The following ADGRL3 variants were observed in gnomAD, a reference collection of about 807,000 sequenced individuals.
ADGRL3 encodes the protein adhesion G protein-coupled receptor L3.
ADGRL3 carries 62 observed loss-of-function variants against 153.5 expected under a neutral mutation model. That is an observed-to-expected ratio of 0.40 (90% CI 0.33 to 0.50). The LOEUF (loss-of-function observed/expected upper bound fraction) is 0.50. ADGRL3 is among the 20% of genes least tolerant of loss of function. ADGRL3 has a pLI of 0.47. For synonymous variants in ADGRL3, 710 were observed against 672.5 expected, an observed-to-expected ratio of 1.06 and a Z score of -0.86; for missense variants, 1,641 against 1,859.4, an observed-to-expected ratio of 0.88 and a Z score of 2.16.
chr4:61,234,608 C>T (rs145140040), intron 1 of ADGRL3, among the ~76,000 whole-genome samples: 109 of 152,158 alleles, frequency 7.2e-4, no homozygotes, highest in African/African-American at 2.4e-3. Context: ...AATCAGAAGA[C>T]GGAAATCAGA....
At chr4:61,571,251 G>T (rs918592209) in intron 4 of ADGRL3, among the ~76,000 whole-genome samples, 8 of 151,808 alleles carry the variant, frequency 5.3e-5, no homozygotes, top group African/African-American at 1.9e-4. Flanking sequence ...GAGGCAGGAG[G>T]ATCATTTGGG....
At chr4:61,723,262 G>A (rs1191647786) in intron 6 of ADGRL3, among the ~76,000 whole-genome samples, 1 of 152,172 alleles carries the variant, frequency 6.6e-6, no homozygotes, top group African/African-American at 2.4e-5. Flanking sequence ...CTGAAGCAGA[G>A]ATTAGTTTGT....
intron 2 of ADGRL3, among the ~76,000 whole-genome samples, chr4:61,478,276 G>A (rs866295880): frequency 1.3e-5 from 2 of 152,054 alleles, no homozygotes; most frequent in Middle Eastern, 3.4e-3. Context: ...TCACATTGAG[G>A]TATGTGTTTG....
rs182173954 is a variant in ADGRL3, at chr4:61,726,440, C to A, written c.584-4182C>A. Among the ~76,000 whole-genome samples, 98 of 151,970 alleles carry A rather than the reference C, an allele frequency of 6.4e-4. 1 individual carries two copies. Among genetic ancestry groups the A allele is most frequent in the Admixed American group, 2.2e-3 (34 of 15,272 alleles). On this transcript the variant is annotated intron_variant, in intron 6 of 26. Coordinates refer to ENST00000683033, the MANE Select transcript of ADGRL3 (RefSeq NM_001387552.1). Reference sequence around the variant, plus strand: ...TCTCGAACTCCCGAACTCAGGTGATCCACCCACCTCGAACTCCCAAAGTGC... The same window carrying A: ...TCTCGAACTCCCGAACTCAGGTGATACACCCACCTCGAACTCCCAAAGTGC...
intron 13 of ADGRL3, among the ~76,000 whole-genome samples, chr4:61,917,767 T>C (rs955075973): frequency 6.6e-6 from 1 of 152,184 alleles, no homozygotes; most frequent in Non-Finnish European, 1.5e-5. Context: ...GAGTCAACTA[T>C]GCTGATATGC....
At chr4:61,493,256 G>A (rs1010575009) in intron 2 of ADGRL3, among the ~76,000 whole-genome samples, 2 of 152,134 alleles carry the variant, frequency 1.3e-5, no homozygotes, top group African/African-American at 2.4e-5. Flanking sequence ...ATGTGAGAAC[G>A]TCACCCTCTT....
intron 21 of ADGRL3, 80 bp from the exon 22 acceptor site, chr4:62,028,775 G>T: frequency 8.4e-7 from 1 of 1,184,346 alleles, no homozygotes; most frequent in South Asian, 1.4e-5. Context: ...TGGGGACCAG[G>T]AGAATATTTT....
At chr4:61,643,570 T>C (rs1416447888) in intron 5 of ADGRL3, among the ~76,000 whole-genome samples, 2 of 151,590 alleles carry the variant, frequency 1.3e-5, no homozygotes, top group Admixed American at 6.6e-5. Flanking sequence ...TCTTTGGTTC[T>C]GTTTATATGC....
chr4:61,689,726 C>A (rs1360805968), intron 6 of ADGRL3, among the ~76,000 whole-genome samples: 17 of 152,054 alleles, frequency 1.1e-4, no homozygotes, highest in Admixed American at 1.1e-3. Context: ...TCAAAATGAT[C>A]CTGATGTGAC....
Position 61,372,280 on chromosome 4 carries a change from C to T in ADGRL3, c.-239-10844C>T, listed in dbSNP as rs185118129. Among the ~76,000 whole-genome samples the T allele has an allele frequency of 4.8e-3, 726 of 152,280 alleles. 10 individuals carry two copies. The highest frequency in any genetic ancestry group is 0.017 in the African/African-American group (697 of 41,538). On this transcript the variant is annotated intron_variant, in intron 1 of 26. Coordinates refer to ENST00000683033, the MANE Select transcript of ADGRL3 (RefSeq NM_001387552.1). ...TTGTTCCGTTGCTGGTGAGGAACTG[C>T]GTTCCTTTGGAGGAGCAGAGGCGCT...
chr4:61,213,648 A>G (rs1741212331), intron 1 of ADGRL3, among the ~76,000 whole-genome samples: 1 of 152,174 alleles, frequency 6.6e-6, no homozygotes, highest in Non-Finnish European at 1.5e-5. Context: ...TGGAAATGAG[A>G]TTAAACCATA....
At chr4:61,662,945 C>T (rs550316213) in intron 5 of ADGRL3, among the ~76,000 whole-genome samples, 2 of 152,226 alleles carry the variant, frequency 1.3e-5, no homozygotes, top group African/African-American at 4.8e-5. Context: ...TGGGTCTCCT[C>T]TCTGCTGAGA....
chr4:61,983,818 A>G (rs888696668), intron 19 of ADGRL3, among the ~76,000 whole-genome samples: 5 of 152,192 alleles, frequency 3.3e-5, no homozygotes, highest in Non-Finnish European at 4.4e-5. Flanking sequence ...ATTTTTCTAC[A>G]TCTACATCAT....
chr4:61,237,849 C>G (rs1342136496), intron 1 of ADGRL3, among the ~76,000 whole-genome samples: 2 of 152,154 alleles, frequency 1.3e-5, no homozygotes, highest in East Asian at 3.9e-4. Flanking sequence ...CAACATCATA[C>G]TTAGTGAAAT....
chr4:61,476,779 T>G (rs921107007), intron 2 of ADGRL3, among the ~76,000 whole-genome samples: 1 of 147,588 alleles, frequency 6.8e-6, no homozygotes, highest in African/African-American at 2.5e-5. Context: ...TTTTGCCATG[T>G]TAGCCAGACT....
chr4:61,234,819 A>G (rs890450588), intron 1 of ADGRL3, among the ~76,000 whole-genome samples: 3 of 152,160 alleles, frequency 2.0e-5, no homozygotes, highest in East Asian at 1.9e-4. Context: ...GCAGGTGTAC[A>G]TTATTTCCCC....
At chr4:61,588,366 C>T (rs1347030906) in intron 5 of ADGRL3, among the ~76,000 whole-genome samples, 3 of 151,814 alleles carry the variant, frequency 2.0e-5, no homozygotes, top group African/African-American at 7.2e-5. Context: ...GAAAGCCTTC[C>T]TTATTTTTCA....
At chr4:61,665,372 T>C (rs1288530769) in intron 5 of ADGRL3, among the ~76,000 whole-genome samples, 1 of 152,122 alleles carries the variant, frequency 6.6e-6, no homozygotes, top group East Asian at 1.9e-4. Flanking sequence ...GATTGCACCA[T>C]TGCACTTTAG....
intron 9 of ADGRL3, among the ~76,000 whole-genome samples, chr4:61,860,399 G>A (rs961185340): frequency 6.6e-6 from 1 of 151,960 alleles, no homozygotes; most frequent in African/African-American, 2.4e-5. Flanking sequence ...AATTATCAGA[G>A]TTGGAAAGAA....
Sources: gnomAD v4.1 joint callset for allele counts (sites outside exome capture counted in the v4.1 genomes callset) on GRCh38, gnomAD v4.1.1 for gene constraint, MANE v1.5 for transcripts, NCBI Gene and HGNC (gene_info 2026-07-23, HGNC 2026-07-21) for gene names.